Variants in MKRN2OS observed in about 807,000 individuals in gnomAD.
MKRN2OS encodes the protein MKRN2 opposite strand.
MKRN2OS carries 17 observed loss-of-function variants against 18.2 expected under a neutral mutation model. That is an observed-to-expected ratio of 0.93 (90% CI 0.64 to 1.40). MKRN2OS has a LOEUF of 1.40. Ranked by LOEUF, MKRN2OS falls within the 40% of genes most tolerant of loss-of-function variation. MKRN2OS has a pLI of 0.00. For synonymous variants in MKRN2OS, 121 were observed against 108.5 expected (o/e 1.12, Z -0.72); for missense variants, 337 against 283.0 (o/e 1.19, Z -1.37).
upstream of MKRN2OS, among the ~76,000 whole-genome samples, chr3:12,546,575 A>AT (rs1160434615): frequency 0.024 from 2,351 of 97,000 alleles, 127 homozygotes; most frequent in East Asian, 0.053. Flanking sequence ...GGTACATGGG[A>AT]TTTTTTTTTT....
chr3:12,552,057 C>G (rs111431662), downstream of MKRN2OS, among the ~76,000 whole-genome samples: 7 of 152,078 alleles, frequency 4.6e-5, no homozygotes, highest in Admixed American at 2.0e-4. Context: ...CGGTGGCTCA[C>G]GCCTGTAATC....
chr3:12,557,199 C>G, intron 1 of MKRN2OS: 1 of 1,533,016 alleles, frequency 6.5e-7, no homozygotes, highest in African/African-American at 1.4e-5. Context: ...GAGCCAGGAG[C>G]TTCGGGCCGC....
In MKRN2OS at chr3:12,543,892, C is replaced by CAA. The variant is rs10539183; in HGVS notation, c.219-665_219-664dup. 7.1e-5 allele frequency among the ~76,000 whole-genome samples: 9 copies of CAA among 127,184 alleles called. No homozygotes were observed. In the East Asian group the frequency reaches 1.5e-3, roughly 21 times the overall value. 83.4% of individuals were successfully genotyped at this position (127,184 alleles called of 152,430 possible). On this transcript the variant is annotated intron_variant, in intron 1 of 3. Transcript: ENST00000564146. ...GGGCAACAGAGTAAGACCCTGGTCT[C>CAA]AAAAAAAAAAAAAAAAATAACAGTT...
rs2057820942 is a variant in MKRN2OS, at chr3:12,541,966, C to T, written c.325G>A (p.Glu109Lys). The change falls in exon 3 of 4, where the codon GAG becomes AAG. Residue 109 changes from glutamate (E) to lysine (K), a missense_variant. By Grantham distance (56) the Glu-to-Lys change is moderately conservative. Transcript: ENST00000564146. ...TGCAGTAATGGGATGCTTATGCTCT[C>T]TTCCCACCCTTCTCCGTCTCGCTGG... ...GVQRDGEGWE[E>K]SISIPLLQPN... 1 of 1,536,090 alleles carries T rather than the reference C, an allele frequency of 6.5e-7. No individual in the cohort carries two copies. The highest frequency in any genetic ancestry group is 2.0e-5 in the Admixed American group (1 of 50,990).
In MKRN2OS at chr3:12,541,887, G is replaced by A; in HGVS notation, c.404C>T (p.Ser135Phe). 6.5e-7 allele frequency: 1 copy of A among 1,535,986 alleles called. No homozygotes were observed. The highest frequency in any genetic ancestry group is 8.7e-7 in the Non-Finnish European group (1 of 1,146,870). ...EQWDKYLEDF[S>F]TSGAWLPHRY... ...GTGAGGCAGCCAGGCCCCCGAGGTG[G>A]AGAAGTCTTCCAGGTACTTGTCCCA... The change falls in exon 3 of 4, where the codon TCC becomes TTC. Residue 135 changes from serine to phenylalanine, a missense_variant. Ser to Phe is a radical substitution (Grantham distance 155, BLOSUM62 -2). Coordinates refer to ENST00000564146, the MANE Select transcript of MKRN2OS (RefSeq NM_001195279.2).
chr3:12,558,890 G>C (rs2058009352), intron 1 of MKRN2OS, among the ~76,000 whole-genome samples: 1 of 152,198 alleles, frequency 6.6e-6, no homozygotes, highest in Non-Finnish European at 1.5e-5. Flanking sequence ...GTATAATCCA[G>C]CAACCAGCGC....
intron 1 of MKRN2OS, chr3:12,557,075 C>G (rs539342296): frequency 1.4e-4 from 199 of 1,411,136 alleles, no homozygotes; most frequent in Admixed American, 2.5e-4. Flanking sequence ...CGGGATGGGC[C>G]GGGCCAGGGC....
chr3:12,540,753 T>C (rs2057790437), intron 3 of MKRN2OS, among the ~76,000 whole-genome samples: 1 of 151,698 alleles, frequency 6.6e-6, no homozygotes, highest in African/African-American at 2.4e-5. Context: ...ACGCCTGTTG[T>C]CCCAGCTACT....
chr3:12,551,767 C>A (rs1234929166), downstream of MKRN2OS, among the ~76,000 whole-genome samples: 1 of 151,676 alleles, frequency 6.6e-6, no homozygotes, highest in African/African-American at 2.4e-5. Context: ...GAAACCCCGT[C>A]TCTACTAAAA....
chr3:12,557,638 C>G (rs939983821), intron 1 of MKRN2OS, among the ~76,000 whole-genome samples: 1 of 152,252 alleles, frequency 6.6e-6, no homozygotes, highest in Non-Finnish European at 1.5e-5. Flanking sequence ...GCAATCTAAA[C>G]TTGCAGAGAG....
chr3:12,550,549 C>CA (rs1299525496), downstream of MKRN2OS, among the ~76,000 whole-genome samples: 11 of 152,142 alleles, frequency 7.2e-5, no homozygotes. Context: ...CCCATCTCTA[C>CA]AAAAAAATTT....
At position 12,540,338 on chromosome 3, in the gene MKRN2OS, T is replaced by G; in HGVS notation, c.527A>C (p.Glu176Ala). 1 of 1,536,114 alleles carries G rather than the reference T, an allele frequency of 6.5e-7. No homozygotes were observed. Among genetic ancestry groups the G allele is most frequent in the East Asian group, 2.4e-5 (1 of 40,922 alleles). The change falls in exon 4 of 4, where the codon GAA becomes GCA. Residue 176 changes from glutamate (E) to alanine (A), a missense_variant. Transcript: ENST00000564146. ...AEGRQQLDKGEFTEKYVVPRT... is the reference protein window; with the variant it reads ...AEGRQQLDKGAFTEKYVVPRT... ...CGGGACCACGTACTTCTCCGTAAAT[T>G]CACCCTTGTCCAGTTGCTGTCTACC...
intron 2 of MKRN2OS, 136 bp from the exon 3 acceptor site, chr3:12,542,158 C>T (rs989136616): frequency 6.6e-5 from 58 of 879,192 alleles, no homozygotes; most frequent in Non-Finnish European, 9.5e-5. Flanking sequence ...TAGAATCTTC[C>T]ATCCACCTAA....
rs759946663 is a variant in MKRN2OS, at chr3:12,541,982, G to A, written c.309C>T (p.Asp103=). ...YNYSAHGVQR[D]GEGWEESISI... Reference sequence around the variant, plus strand: ...TTATGCTCTCTTCCCACCCTTCTCCGTCTCGCTGGACACCATGTGCACTGT... The same window carrying A: ...TTATGCTCTCTTCCCACCCTTCTCCATCTCGCTGGACACCATGTGCACTGT... Residue 103 remains aspartate (D), a synonymous_variant, in exon 3 of 4, where the codon GAC becomes GAT. Coordinates refer to ENST00000564146, the MANE Select transcript of MKRN2OS (RefSeq NM_001195279.2). 2.3e-5 allele frequency: 36 copies of A among 1,535,774 alleles called. No homozygotes were observed. The highest frequency in any genetic ancestry group is 4.1e-5 in the African/African-American group (3 of 72,982).
chr3:12,551,714 T>A (rs2057931026), downstream of MKRN2OS, among the ~76,000 whole-genome samples: 3 of 151,874 alleles, frequency 2.0e-5, no homozygotes, highest in South Asian at 6.2e-4. Context: ...GTTGGGCAGA[T>A]CACCTGAGGT....
At chr3:12,556,310 C>T (rs2057970113) in intron 1 of MKRN2OS, among the ~76,000 whole-genome samples, 1 of 151,854 alleles carries the variant, frequency 6.6e-6, no homozygotes. Flanking sequence ...GAGATCGCCC[C>T]ACTGCACTCC....
chr3:12,559,728 C>T (rs1422891362), intron 1 of MKRN2OS, among the ~76,000 whole-genome samples: 1 of 152,152 alleles, frequency 6.6e-6, no homozygotes, highest in East Asian at 1.9e-4. Context: ...TCCAGAATCT[C>T]AATCTGTGCC....
chr3:12,559,347 C>T (rs1171061590), intron 1 of MKRN2OS, among the ~76,000 whole-genome samples: 1 of 152,160 alleles, frequency 6.6e-6, no homozygotes, highest in Non-Finnish European at 1.5e-5. Flanking sequence ...TGTCTCTAGA[C>T]ATTGATAATT....
Position 12,541,928 on chromosome 3 carries a change from A to G in MKRN2OS, c.363T>C (p.Tyr121=), listed in dbSNP as rs190870246. The stretch of plus-strand genomic sequence containing the variant: ...ACTTGTCCCATTGCTCCATCATTCC[A>G]TACATGTTGGGCTGCAGTAATGGGA... ...ISIPLLQPNM[Y]GMMEQWDKYL... Residue 121 remains tyrosine, a synonymous_variant, in exon 3 of 4, where the codon TAT becomes TAC. Coordinates refer to ENST00000564146, the MANE Select transcript of MKRN2OS (RefSeq NM_001195279.2). The G allele has an allele frequency of 2.3e-5, 35 of 1,536,016 alleles. No homozygotes were observed. In the African/African-American group the frequency reaches 4.4e-4, roughly 19 times the overall value.
Sources: allele counts gnomAD v4.1 joint callset (sites outside exome capture counted in the v4.1 genomes callset), GRCh38; gene constraint gnomAD v4.1.1; transcripts MANE v1.5; gene names NCBI Gene and HGNC (gene_info 2026-07-23, HGNC 2026-07-21).